The following TENM2 variants were observed in gnomAD, a reference collection of about 807,000 sequenced individuals.
The protein encoded by TENM2 is teneurin transmembrane protein 2.
In TENM2, 52 loss-of-function variants were observed where a neutral mutation model predicts 245.2. The observed-to-expected ratio is 0.21, with a 90% CI of 0.17 to 0.27. The LOEUF (loss-of-function observed/expected upper bound fraction) is 0.27, where lower values mean the gene tolerates loss of function less well. TENM2 is among the 10% of genes least tolerant of loss of function. The pLI, the probability that TENM2 is intolerant of heterozygous loss-of-function variation, is 1.00. For missense variants in TENM2, 3,046 were observed against 3,666.8 expected, an observed-to-expected ratio of 0.83 and a Z score of 4.37; for synonymous variants, 1,363 against 1,438.9, an observed-to-expected ratio of 0.95 and a Z score of 1.19.
chr5:168,140,221 C>G (rs1562206938), intron 12 of TENM2, among the ~76,000 whole-genome samples: 2 of 152,204 alleles, frequency 1.3e-5, no homozygotes. Flanking sequence ...CTTTGTGTTG[C>G]CTCAGTCAAC....
At chr5:168,073,236 T>A (rs1232631786) in intron 7 of TENM2, among the ~76,000 whole-genome samples, 1 of 152,192 alleles carries the variant, frequency 6.6e-6, no homozygotes, top group African/African-American at 2.4e-5. Context: ...TCAGCTATTG[T>A]TATTACTAGA....
At chr5:167,594,405 T>A (rs1018388820) in intron 2 of TENM2, among the ~76,000 whole-genome samples, 1 of 152,196 alleles carries the variant, frequency 6.6e-6, no homozygotes, top group Admixed American at 6.5e-5. Flanking sequence ...CTAACCCACA[T>A]GGCAATGTAG....
At chr5:167,334,109 T>A (rs1358759271) in intron 1 of TENM2, among the ~76,000 whole-genome samples, 3 of 152,218 alleles carry the variant, frequency 2.0e-5, no homozygotes, top group Admixed American at 6.5e-5. Flanking sequence ...TTGTTTTATT[T>A]ATTGTTCCAC....
chr5:167,082,816 A>G, the TENM2 span, among the ~76,000 whole-genome samples: 3 of 152,180 alleles, frequency 2.0e-5, no homozygotes, highest in Admixed American at 6.6e-5. Flanking sequence ...TTCTATTTAC[A>G]GTAAATAATA....
At chr5:168,079,722 T>G (rs559035066) in intron 7 of TENM2, among the ~76,000 whole-genome samples, 3 of 152,356 alleles carry the variant, frequency 2.0e-5, no homozygotes, top group African/African-American at 7.2e-5. Flanking sequence ...GTTTATGTGA[T>G]GGATTGCATT....
chr5:168,098,874 G>A (rs1793579368), intron 9 of TENM2, among the ~76,000 whole-genome samples: 1 of 151,572 alleles, frequency 6.6e-6, no homozygotes, highest in African/African-American at 2.4e-5. Flanking sequence ...CTCACAAAAT[G>A]ATATTTTACT....
At chr5:167,391,008 C>T (rs1315892157) in intron 2 of TENM2, among the ~76,000 whole-genome samples, 1 of 152,138 alleles carries the variant, frequency 6.6e-6, no homozygotes, top group Non-Finnish European at 1.5e-5. Context: ...AGCATACTCT[C>T]TTCCTCTGTG....
At chr5:167,745,337 C>A (rs1042019977) in intron 2 of TENM2, among the ~76,000 whole-genome samples, 3 of 152,192 alleles carry the variant, frequency 2.0e-5, no homozygotes, top group Non-Finnish European at 4.4e-5. Flanking sequence ...TTCCCAAGAG[C>A]CTCAGAGAAT....
At chr5:167,285,549 C>T (rs1234587590) in intron 1 of TENM2, among the ~76,000 whole-genome samples, 1 of 152,170 alleles carries the variant, frequency 6.6e-6, no homozygotes, top group African/African-American at 2.4e-5. Flanking sequence ...ATTTTCCTTT[C>T]CTTATACTGT....
At chr5:167,980,040 T>C (rs1398618526) in intron 4 of TENM2, among the ~76,000 whole-genome samples, 2 of 152,154 alleles carry the variant, frequency 1.3e-5, no homozygotes, top group Non-Finnish European at 2.9e-5. Flanking sequence ...CCTTTATTCA[T>C]TAAATAAAAA....
At chr5:167,779,499 A>G (rs914597159) in intron 2 of TENM2, among the ~76,000 whole-genome samples, 1 of 152,196 alleles carries the variant, frequency 6.6e-6, no homozygotes, top group Non-Finnish European at 1.5e-5. Context: ...ATGCACTTCT[A>G]TGGTGTCTAA....
At chr5:167,604,764 A>G (rs1159065362) in intron 2 of TENM2, among the ~76,000 whole-genome samples, 1 of 152,190 alleles carries the variant, frequency 6.6e-6, no homozygotes, top group Non-Finnish European at 1.5e-5. Context: ...ATATAAGCAA[A>G]CCTAGGATCA....
At chr5:167,109,983 G>A in the TENM2 span, among the ~76,000 whole-genome samples, 1 of 152,144 alleles carries the variant, frequency 6.6e-6, no homozygotes, top group Non-Finnish European at 1.5e-5. Context: ...AGTTTTCAGA[G>A]TGGCTTAAAT....
chr5:167,466,936 A>C lies in TENM2; in HGVS notation c.502+91463A>C, dbSNP rs374201952. Among the ~76,000 whole-genome samples, 10 of 152,322 alleles carry C rather than the reference A, an allele frequency of 6.6e-5. No individual in the cohort carries two copies. In the South Asian group the frequency reaches 2.1e-3, roughly 32 times the overall value. ...TTCGGGTGCTTTGCTGATTTTAGCCATATGTCATACACTATAATCAAGGCA... is the reference window on the plus strand; with the variant it reads ...TTCGGGTGCTTTGCTGATTTTAGCCCTATGTCATACACTATAATCAAGGCA... On this transcript the variant is annotated intron_variant, in intron 2 of 28. Transcript: ENST00000518659.
intron 1 of TENM2, among the ~76,000 whole-genome samples, chr5:167,369,191 A>G (rs1419212050): frequency 6.6e-6 from 1 of 152,192 alleles, no homozygotes; most frequent in African/African-American, 2.4e-5. Flanking sequence ...CTGAGGCTCC[A>G]GGACCCTGTT....
intron 2 of TENM2, among the ~76,000 whole-genome samples, chr5:167,397,640 A>G (rs1561922698): frequency 6.6e-6 from 1 of 152,162 alleles, no homozygotes; most frequent in Non-Finnish European, 1.5e-5. Context: ...TGGGAAGGTG[A>G]TTATATCATA....
At chr5:168,200,762 C>T (rs947851451) in intron 17 of TENM2, among the ~76,000 whole-genome samples, 25 of 152,130 alleles carry the variant, frequency 1.6e-4, no homozygotes, top group East Asian at 3.9e-4. Context: ...GAAAGATCTT[C>T]GTAACAGAAG....
At chr5:167,505,572 T>C (rs1011597226) in intron 2 of TENM2, among the ~76,000 whole-genome samples, 2 of 152,190 alleles carry the variant, frequency 1.3e-5, no homozygotes, top group Non-Finnish European at 2.9e-5. Context: ...CTTGTTGTTT[T>C]AAAATACTCA....
chr5:168,164,344 T>C (rs1758019189), intron 13 of TENM2, among the ~76,000 whole-genome samples: 1 of 152,138 alleles, frequency 6.6e-6, no homozygotes, highest in African/African-American at 2.4e-5. Context: ...ACTACTTTGT[T>C]AGCCATAGAT....
Sources: gnomAD v4.1 joint callset for allele counts (sites outside exome capture counted in the v4.1 genomes callset) on GRCh38, gnomAD v4.1.1 for gene constraint, MANE v1.5 for transcripts, NCBI Gene and HGNC (gene_info 2026-07-23, HGNC 2026-07-21) for gene names.